The following CCDC171 variants were observed in gnomAD, a reference collection of about 807,000 sequenced individuals.
CCDC171 encodes coiled-coil domain containing 171.
In CCDC171, 177 loss-of-function variants were observed where a neutral mutation model predicts 168.2. The observed-to-expected ratio is 1.05, with a 90% CI of 0.93 to 1.19. The LOEUF (loss-of-function observed/expected upper bound fraction) is 1.19, where lower values mean the gene tolerates loss of function less well. CCDC171 is among the 50% of genes most tolerant of loss of function. The pLI, the probability that CCDC171 is intolerant of heterozygous loss-of-function variation, is 0.00. For synonymous variants in CCDC171, 687 were observed against 540.8 expected, an observed-to-expected ratio of 1.27 and a Z score of -3.75; for missense variants, 1,991 against 1,539.0, an observed-to-expected ratio of 1.29 and a Z score of -4.91.
chr9:16,107,309 G>A, the CCDC171 span, among the ~76,000 whole-genome samples: 2 of 152,038 alleles, frequency 1.3e-5, no homozygotes, highest in Non-Finnish European at 2.9e-5. Context: ...GACCATGCCT[G>A]GCTCCTGACA....
intron 11 of CCDC171, among the ~76,000 whole-genome samples, chr9:15,716,270 A>G (rs576321539): frequency 1.4e-3 from 208 of 152,236 alleles, no homozygotes; most frequent in African/African-American, 4.6e-3. Flanking sequence ...CTTCATTTGG[A>G]ATTTCACTTT....
chr9:16,067,342 A>C, the CCDC171 span, among the ~76,000 whole-genome samples: 18 of 151,794 alleles, frequency 1.2e-4, no homozygotes, highest in Non-Finnish European at 2.2e-4. Flanking sequence ...GTTTGAGTTC[A>C]TTGTAGATTC....
the CCDC171 span, among the ~76,000 whole-genome samples, chr9:16,090,463 G>A: frequency 6.6e-6 from 1 of 152,212 alleles, no homozygotes; most frequent in Non-Finnish European, 1.5e-5. Flanking sequence ...AATACCTAAT[G>A]TAGATGATGG....
intron 4 of CCDC171, among the ~76,000 whole-genome samples, chr9:15,583,425 A>AG (rs150877128): frequency 6.6e-6 from 1 of 151,616 alleles, no homozygotes; most frequent in Non-Finnish European, 1.5e-5. Context: ...AAAAAAAAAA[A>AG]GAAAATGTGC....
intron 24 of CCDC171, among the ~76,000 whole-genome samples, chr9:15,902,265 TATATATATATATATATACACAC>T (rs1821793891): frequency 1.1e-5 from 1 of 90,744 alleles, no homozygotes; most frequent in Non-Finnish European, 2.6e-5. Context: ...TATATATGTA[TATATATATATATATATACACAC>T]ACACACACAC....
the CCDC171 span, among the ~76,000 whole-genome samples, chr9:16,098,363 T>C: frequency 6.6e-6 from 1 of 151,734 alleles, no homozygotes; most frequent in African/African-American, 2.4e-5. Context: ...GTCGTCGTCG[T>C]CATCATCATC....
chr9:16,003,204 T>G (rs1832606231), intron 3 of CCDC171, among the ~76,000 whole-genome samples: 1 of 152,224 alleles, frequency 6.6e-6, no homozygotes, highest in Non-Finnish European at 1.5e-5. Flanking sequence ...ATTACTTTGC[T>G]GTGTAACCTT....
chr9:16,065,184 C>G (rs142955617), downstream of CCDC171, among the ~76,000 whole-genome samples: 272 of 152,256 alleles, frequency 1.8e-3, 1 homozygote, highest in African/African-American at 6.3e-3. Context: ...ATAAGGGAAC[C>G]TTTTTAGTCT....
intron 19 of CCDC171, among the ~76,000 whole-genome samples, chr9:15,778,313 C>G (rs1588442779): frequency 2.6e-5 from 1 of 38,060 alleles, no homozygotes; most frequent in South Asian, 1.6e-3. Flanking sequence ...GACTCCGTCT[C>G]AAAAAAAAAA....
intron 3 of CCDC171, among the ~76,000 whole-genome samples, chr9:15,999,021 A>G (rs906715624): frequency 4.6e-5 from 7 of 152,066 alleles, no homozygotes; most frequent in South Asian, 2.1e-4. Context: ...TGTAACCTCT[A>G]TCATTCAGAG....
chr9:15,718,786 A>G (rs2053259790), intron 11 of CCDC171, among the ~76,000 whole-genome samples: 1 of 152,232 alleles, frequency 6.6e-6, no homozygotes, highest in East Asian at 1.9e-4. Context: ...ATGCAGATAT[A>G]GCTGCAGTGG....
chr9:16,101,618 T>C, the CCDC171 span, among the ~76,000 whole-genome samples: 1 of 152,210 alleles, frequency 6.6e-6, no homozygotes, highest in African/African-American at 2.4e-5. Flanking sequence ...CATGAACCCT[T>C]TAATTCTGGG....
chr9:15,722,845 A>G (rs966984546), intron 12 of CCDC171, among the ~76,000 whole-genome samples: 3 of 152,194 alleles, frequency 2.0e-5, no homozygotes, highest in Admixed American at 2.0e-4. Context: ...ATGAGGAACA[A>G]ATATTACGAA....
chr9:15,999,733 C>A (rs944479927), intron 3 of CCDC171, among the ~76,000 whole-genome samples: 19 of 152,210 alleles, frequency 1.2e-4, no homozygotes, highest in Non-Finnish European at 2.5e-4. Context: ...CCTACACTAT[C>A]TTCTCTTTTA....
intron 9 of CCDC171, among the ~76,000 whole-genome samples, chr9:15,676,420 G>C (rs1587899861): frequency 6.6e-6 from 1 of 151,720 alleles, no homozygotes; most frequent in Admixed American, 6.6e-5. Flanking sequence ...TTCTGTTGGT[G>C]GTGAGGAGCT....
At chr9:15,928,946 G>A (rs1172579410) in intron 25 of CCDC171, among the ~76,000 whole-genome samples, 5 of 151,590 alleles carry the variant, frequency 3.3e-5, no homozygotes, top group Admixed American at 2.6e-4. Context: ...ATGTAATGCA[G>A]TTTAAGAAGA....
chr9:16,005,790 A>G (rs1832677119), intron 3 of CCDC171, among the ~76,000 whole-genome samples: 1 of 152,200 alleles, frequency 6.6e-6, no homozygotes, highest in Non-Finnish European at 1.5e-5. Context: ...GTCCTGGGCT[A>G]GGGGTGAGGG....
At chr9:15,754,893 G>A (rs73416261) in intron 18 of CCDC171, among the ~76,000 whole-genome samples, 9,615 of 152,054 alleles carry the variant, frequency 0.063, 724 homozygotes, top group African/African-American at 0.17. Flanking sequence ...ATAATAAATA[G>A]ATTTTGTAAA....
intron 6 of CCDC171, among the ~76,000 whole-genome samples, chr9:15,608,835 G>C (rs2131802236): frequency 6.8e-6 from 1 of 146,340 alleles, no homozygotes; most frequent in Non-Finnish European, 1.5e-5. Flanking sequence ...GCATATACCT[G>C]TGATCCTGGC....
Sources: gnomAD v4.1 joint callset for allele counts (sites outside exome capture counted in the v4.1 genomes callset) on GRCh38, gnomAD v4.1.1 for gene constraint, MANE v1.5 for transcripts, NCBI Gene and HGNC (gene_info 2026-07-23, HGNC 2026-07-21) for gene names.